The following RANBP3L variants were observed in gnomAD, a reference collection of about 807,000 sequenced individuals.
The protein encoded by RANBP3L is RAN binding protein 3 like, also known as ran-binding protein 3-like.
RANBP3L carries 56 observed loss-of-function variants against 67.2 expected under a neutral mutation model. That is an observed-to-expected ratio of 0.83 (90% confidence interval 0.67 to 1.04). The LOEUF is 1.04. Ranked by LOEUF, RANBP3L falls within the 50% of genes least tolerant of loss-of-function variation. RANBP3L has a pLI of 0.00. For synonymous variants in RANBP3L, 164 were observed against 181.4 expected (o/e 0.90, Z 0.77); for missense variants, 496 against 535.5 (o/e 0.93, Z 0.73).
At chr5:36,272,629 T>A (rs1750300567) in intron 1 of RANBP3L, among the ~76,000 whole-genome samples, 1 of 152,080 alleles carries the variant, frequency 6.6e-6, no homozygotes, top group African/African-American at 2.4e-5. Flanking sequence ...TTAGTGGGGT[T>A]TTTTTGTTTG....
At chr5:36,272,040 G>A (rs965506173) in intron 1 of RANBP3L, among the ~76,000 whole-genome samples, 2 of 151,916 alleles carry the variant, frequency 1.3e-5, no homozygotes, top group African/African-American at 4.8e-5. Context: ...AGTTAGTTTA[G>A]ATAGGCATGT....
intron 13 of RANBP3L, among the ~76,000 whole-genome samples, chr5:36,250,482 A>G (rs1748517188): frequency 1.3e-5 from 2 of 152,030 alleles, no homozygotes; most frequent in Admixed American, 1.3e-4. Flanking sequence ...AGATTCTTAA[A>G]TTACATATGA....
intron 1 of RANBP3L, among the ~76,000 whole-genome samples, chr5:36,292,825 C>T (rs922970825): frequency 6.2e-4 from 95 of 152,292 alleles, no homozygotes; most frequent in Non-Finnish European, 1.9e-4. Context: ...AGTTTGAAGT[C>T]AGGTAGCGTG....
chr5:36,253,397 A>G (rs1355955826), intron 12 of RANBP3L, among the ~76,000 whole-genome samples: 2 of 152,132 alleles, frequency 1.3e-5, no homozygotes, highest in Non-Finnish European at 1.5e-5. Flanking sequence ...ATAGTAAAGT[A>G]AAGGCTAGAG....
At chr5:36,268,174 T>C in intron 4 of RANBP3L, 2 of 1,484,676 alleles carry the variant, frequency 1.3e-6, no homozygotes, top group Middle Eastern at 1.7e-4. Context: ...GGCTTGAGGT[T>C]CTAGAAACTC....
intron 4 of RANBP3L, among the ~76,000 whole-genome samples, chr5:36,267,154 A>C (rs1749856119): frequency 6.6e-6 from 1 of 152,182 alleles, no homozygotes; most frequent in Admixed American, 6.5e-5. Flanking sequence ...GTTACTTGAT[A>C]TACTGTTGCT....
chr5:36,289,402 T>C (rs1466402708), intron 1 of RANBP3L, among the ~76,000 whole-genome samples: 1 of 152,168 alleles, frequency 6.6e-6, no homozygotes, highest in Non-Finnish European at 1.5e-5. Flanking sequence ...TCCTTATCCT[T>C]TTAAAATCAG....
At chr5:36,288,666 G>A (rs1375107967) in intron 1 of RANBP3L, among the ~76,000 whole-genome samples, 2 of 152,098 alleles carry the variant, frequency 1.3e-5, no homozygotes, top group Non-Finnish European at 2.9e-5. Flanking sequence ...AGCCATTCTA[G>A]TGGATGTAAA....
chr5:36,270,071 C>T, intron 2 of RANBP3L, 81 bp from the exon 3 acceptor site: 1 of 1,277,742 alleles, frequency 7.8e-7, no homozygotes, highest in South Asian at 1.2e-5. Context: ...GCAGTTTTGG[C>T]AATTAAAAGT....
At chr5:36,253,828 T>C (rs769966144) in intron 11 of RANBP3L, 39 bp from the exon 12 acceptor site, 1 of 1,586,498 alleles carries the variant, frequency 6.3e-7, no homozygotes, top group Admixed American at 1.8e-5. Flanking sequence ...CACAGAACAG[T>C]TGACACGGAG....
At position 36,248,802 on chromosome 5, in the gene RANBP3L, ACT is replaced by A. The variant is rs989021082; in HGVS notation, c.*850_*851del. On this transcript the variant is annotated 3_prime_UTR_variant, in exon 14 of 14. Transcript: ENST00000296604. ...ACAAATCGCAAAGAAGAGGATCAAA[ACT>A]CTATTGTAAAATTGTTGAAATTACT... The A allele has an allele frequency of 1.3e-5, 2 of 152,132 alleles. No individual in the cohort carries two copies. Among genetic ancestry groups the A allele is most frequent in the Admixed American group, 1.3e-4 (2 of 15,278 alleles). The allele number at this position is 152,132 out of a possible 1,614,324, so 9.4% of individuals were successfully genotyped here.
intron 8 of RANBP3L, among the ~76,000 whole-genome samples, chr5:36,259,575 C>T (rs977921261): frequency 2.9e-5 from 4 of 137,664 alleles, no homozygotes; most frequent in Non-Finnish European, 3.2e-5. Context: ...AGAGCAAGAC[C>T]TCATCTTAAA....
intron 13 of RANBP3L, 141 bp downstream of exon 13, chr5:36,251,172 A>G: frequency 1.6e-6 from 1 of 606,774 alleles, no homozygotes; most frequent in Non-Finnish European, 2.7e-6. Context: ...CCCACTCCTC[A>G]GATCCAAACA....
At chr5:36,284,126 T>C (rs992491463) in intron 1 of RANBP3L, among the ~76,000 whole-genome samples, 4 of 152,058 alleles carry the variant, frequency 2.6e-5, no homozygotes, top group Admixed American at 1.3e-4. Context: ...TCACTTCCCA[T>C]TTTAAACCCT....
intron 1 of RANBP3L, among the ~76,000 whole-genome samples, chr5:36,278,460 T>C (rs1750753161): frequency 6.6e-6 from 1 of 152,130 alleles, no homozygotes; most frequent in Admixed American, 6.6e-5. Flanking sequence ...TTTGTAGACA[T>C]GCTAATACTT....
At chr5:36,282,075 G>A (rs527791396) in intron 1 of RANBP3L, among the ~76,000 whole-genome samples, 2 of 152,268 alleles carry the variant, frequency 1.3e-5, no homozygotes, top group African/African-American at 4.8e-5. Flanking sequence ...ATGTGTCCTA[G>A]GATGTGCTTG....
intron 1 of RANBP3L, among the ~76,000 whole-genome samples, chr5:36,281,201 C>A (rs1248512002): frequency 6.6e-6 from 1 of 152,142 alleles, no homozygotes; most frequent in Non-Finnish European, 1.5e-5. Flanking sequence ...CAGGTTTTCT[C>A]ACCTGTGAAA....
intron 1 of RANBP3L, among the ~76,000 whole-genome samples, chr5:36,297,427 A>ACACACACACACACACACACACG (rs1055423567): frequency 3.9e-4 from 5 of 12,936 alleles, no homozygotes; most frequent in African/African-American, 2.5e-3. Context: ...TCACCTGTAT[A>ACACACACACACACACACACACG]CACACACACA....
intron 1 of RANBP3L, among the ~76,000 whole-genome samples, chr5:36,289,502 A>G (rs2112087790): frequency 6.6e-6 from 1 of 152,310 alleles, no homozygotes; most frequent in Middle Eastern, 3.4e-3. Flanking sequence ...TGACATCTTA[A>G]CAATATTGAG....
Sources: gnomAD v4.1 joint callset for allele counts (sites outside exome capture counted in the v4.1 genomes callset) on GRCh38, gnomAD v4.1.1 for gene constraint, MANE v1.5 for transcripts, NCBI Gene and HGNC (gene_info 2026-07-23, HGNC 2026-07-21) for gene names.